The following RAB39A variants were observed in gnomAD, a reference collection of about 807,000 sequenced individuals.
RAB39A encodes ras-related protein Rab-39A.
Under a neutral mutation model 20.9 loss-of-function variants are expected in RAB39A, and 17 were observed. The ratio of observed to expected loss-of-function variants is 0.81; its 90% confidence interval spans 0.56 to 1.22. The LOEUF (loss-of-function observed/expected upper bound fraction) is 1.22. Among genes scored for constraint, RAB39A ranks in the 50% most tolerant of loss-of-function variants. The probability of loss-of-function intolerance (pLI) is 0.00; values close to 1 mark genes in which losing one functional copy is unlikely to be tolerated. For synonymous variants in RAB39A, 99 were observed against 103.4 expected (o/e 0.96, Z 0.26); for missense variants, 234 against 270.5 (o/e 0.87, Z 0.95).
chr11:107,945,398 C>T (rs1401959354), intron 1 of RAB39A, among the ~76,000 whole-genome samples: 2 of 148,576 alleles, frequency 1.3e-5, no homozygotes, highest in Admixed American at 6.7e-5. Context: ...GCTTTTTTTT[C>T]CCCCTGAAAC....
At chr11:107,957,056 A>G (rs1861444304) in intron 1 of RAB39A, among the ~76,000 whole-genome samples, 2 of 152,204 alleles carry the variant, frequency 1.3e-5, no homozygotes, top group Admixed American at 6.5e-5. Context: ...GTAAATTTCC[A>G]GTTTTGGAGG....
intron 1 of RAB39A, among the ~76,000 whole-genome samples, chr11:107,950,640 G>A (rs1007907023): frequency 2.0e-5 from 3 of 151,812 alleles, no homozygotes; most frequent in Middle Eastern, 3.2e-3. Context: ...GGTGGCAGGC[G>A]CCTGTAATCC....
intron 1 of RAB39A, among the ~76,000 whole-genome samples, chr11:107,939,606 T>A (rs1861239106): frequency 2.2e-5 from 3 of 135,998 alleles, no homozygotes. Flanking sequence ...CCAGACTCCA[T>A]CTCAAAGAAA....
chr11:107,938,046 G>C lies in RAB39A; in HGVS notation c.227+9251G>C, dbSNP rs140709665. Among the ~76,000 whole-genome samples the C allele has an allele frequency of 6.6e-5, 10 of 152,118 alleles. No individual in the cohort carries two copies. The East Asian group carries it at 1.9e-3, about 29-fold the overall frequency. On this transcript the variant is annotated intron_variant, in intron 1 of 1. Transcript: ENST00000320578. ...TCACCCCCAAAGTGTCTATTTTATG[G>C]TGTTTGAGAGTAAAATGGTATATAA...
At chr11:107,956,649 A>C (rs2134973210) in intron 1 of RAB39A, among the ~76,000 whole-genome samples, 1 of 152,318 alleles carries the variant, frequency 6.6e-6, no homozygotes, top group East Asian at 1.9e-4. Context: ...AAAAAGGAAG[A>C]GTTTCTCCTG....
intron 1 of RAB39A, among the ~76,000 whole-genome samples, chr11:107,954,847 GAACACCCAGCTTATGAT>G (rs1861416943): frequency 6.6e-6 from 1 of 152,046 alleles, no homozygotes; most frequent in Admixed American, 6.6e-5. Flanking sequence ...TGGTGAATCA[GAACACCCAGCTTATGAT>G]AGACATTCAG....
intron 1 of RAB39A, among the ~76,000 whole-genome samples, chr11:107,944,136 T>C (rs1361415095): frequency 1.3e-5 from 2 of 151,986 alleles, no homozygotes; most frequent in Non-Finnish European, 2.9e-5. Context: ...GAATGAGCAG[T>C]CCTGGATAAT....
chr11:107,955,497 A>G (rs1861425143), intron 1 of RAB39A, among the ~76,000 whole-genome samples: 1 of 152,152 alleles, frequency 6.6e-6, no homozygotes, highest in South Asian at 2.1e-4. Flanking sequence ...AAAGCTAGCA[A>G]GCTTTTGGGT....
At chr11:107,950,547 A>G (rs1181854559) in intron 1 of RAB39A, among the ~76,000 whole-genome samples, 1 of 152,104 alleles carries the variant, frequency 6.6e-6, no homozygotes, top group East Asian at 1.9e-4. Flanking sequence ...TGGGCAGATC[A>G]CTTGAGCTCA....
intron 1 of RAB39A, among the ~76,000 whole-genome samples, chr11:107,934,801 C>T (rs1352367551): frequency 2.6e-5 from 4 of 151,694 alleles, no homozygotes; most frequent in East Asian, 2.0e-4. Flanking sequence ...TGGTGGCAGG[C>T]GCCTGTAATC....
rs550905270 is a variant in RAB39A, at chr11:107,930,577, G to T, written c.227+1782G>T. Reference sequence around the variant, plus strand: ...AGTTCCTTAAAAGTAGCTCAACTTGGCTGGGCAGGGTGGCTCACGCCTGTA... The same window carrying T: ...AGTTCCTTAAAAGTAGCTCAACTTGTCTGGGCAGGGTGGCTCACGCCTGTA... On this transcript the variant is annotated intron_variant, in intron 1 of 1. Transcript: ENST00000320578. Among the ~76,000 whole-genome samples, 6 of 152,238 alleles carry T rather than the reference G, an allele frequency of 3.9e-5. No individual in the cohort carries two copies. In the South Asian group the frequency reaches 1.2e-3, roughly 32 times the overall value.
At chr11:107,956,439 T>C (rs1861437555) in intron 1 of RAB39A, among the ~76,000 whole-genome samples, 1 of 152,184 alleles carries the variant, frequency 6.6e-6, no homozygotes, top group South Asian at 2.1e-4. Flanking sequence ...AAGGACGCTA[T>C]ACAAGAGTAC....
At chr11:107,960,398 G>C (rs1466855468) in intron 1 of RAB39A, among the ~76,000 whole-genome samples, 1 of 152,150 alleles carries the variant, frequency 6.6e-6, no homozygotes, top group Non-Finnish European at 1.5e-5. Context: ...TGGCAGGGAA[G>C]GCTGCTCAGA....
rs4028253 is a variant in RAB39A at position 107,951,615 on chromosome 11, ATTTTTT to A, written c.228-10315_228-10310del. Among the ~76,000 whole-genome samples the A allele has an allele frequency of 7.6e-5, 8 of 105,660 alleles. No individual in the cohort carries two copies. The Admixed American group carries it at 7.8e-4, about 10-fold the overall frequency. 69.3% of individuals were successfully genotyped at this position (105,660 alleles called of 152,430 possible). A position where few individuals can be genotyped will look rare whatever the true frequency, so the allele number is the denominator to read the frequency against. On this transcript the variant is annotated intron_variant, in intron 1 of 1. Transcript: ENST00000320578. ...ATCTATATAATCTTGCCATTTTCAG[ATTTTTT>A]TTTTTTTTTTTTTTTGGAGACACGG...
intron 1 of RAB39A, among the ~76,000 whole-genome samples, chr11:107,949,098 A>G (rs959819720): frequency 4.6e-5 from 7 of 152,136 alleles, no homozygotes; most frequent in Middle Eastern, 3.2e-3. Context: ...AGGCAGGCCA[A>G]TTGCTTGAGC....
At chr11:107,947,040 T>G (rs532509053) in intron 1 of RAB39A, among the ~76,000 whole-genome samples, 2 of 150,902 alleles carry the variant, frequency 1.3e-5, no homozygotes, top group Non-Finnish European at 3.0e-5. Context: ...ACACTCAATA[T>G]AAAGTTGAAA....
intron 1 of RAB39A, among the ~76,000 whole-genome samples, chr11:107,947,807 C>CAAAAAAAAAAAAAAAAAAAAA (rs35694249): frequency 1.2e-5 from 1 of 80,222 alleles, no homozygotes; most frequent in East Asian, 4.8e-4. Context: ...CATCAACAGG[C>CAAAAAAAAAAAAAAAAAAAAA]AAAAAAAAAA....
intron 1 of RAB39A, among the ~76,000 whole-genome samples, chr11:107,938,792 A>G (rs1342668111): frequency 6.6e-6 from 1 of 151,830 alleles, no homozygotes; most frequent in African/African-American, 2.4e-5. Flanking sequence ...TACTCAGAGC[A>G]TTCAGAACAT....
At chr11:107,946,358 A>G (rs1324383143) in intron 1 of RAB39A, among the ~76,000 whole-genome samples, 20 of 138,762 alleles carry the variant, frequency 1.4e-4, no homozygotes, top group African/African-American at 5.1e-4. Context: ...ATATACACAC[A>G]CACATATATA....
Sources: gnomAD v4.1 joint callset for allele counts (sites outside exome capture counted in the v4.1 genomes callset) on GRCh38, gnomAD v4.1.1 for gene constraint, MANE v1.5 for transcripts, NCBI Gene and HGNC (gene_info 2026-07-23, HGNC 2026-07-21) for gene names.